Variants in DPP4 observed in about 807,000 individuals in gnomAD.
DPP4 encodes the protein dipeptidyl peptidase 4.
Under a neutral mutation model 122.4 loss-of-function variants are expected in DPP4, and 93 were observed. The ratio of observed to expected loss-of-function variants is 0.76; its 90% CI spans 0.64 to 0.90. The LOEUF (loss-of-function observed/expected upper bound fraction) is 0.90. Among genes scored for constraint, DPP4 ranks in the 40% least tolerant of loss-of-function variants. The pLI, the probability that DPP4 is intolerant of heterozygous loss-of-function variation, is 0.00. For synonymous variants in DPP4, 321 were observed against 302.9 expected (o/e 1.06, Z -0.62); for missense variants, 914 against 907.3 (o/e 1.01, Z -0.09).
At chr2:162,012,032 C>T in intron 19 of DPP4, 45 bp from the exon 20 acceptor site, 2 of 1,575,138 alleles carry the variant, frequency 1.3e-6, no homozygotes, top group Non-Finnish European at 1.7e-6. Flanking sequence ...TTTCTGGAAT[C>T]AAATGAGGAA....
chr2:162,039,318 C>T, intron 5 of DPP4, 134 bp from the exon 6 acceptor site: 1 of 810,126 alleles, frequency 1.2e-6, no homozygotes, highest in South Asian at 1.8e-5. Flanking sequence ...TTATAATTTC[C>T]TCCGAGAATT....
At position 162,011,974 on chromosome 2, in the gene DPP4, A is replaced by G. The variant is rs1243657103; in HGVS notation, c.1651T>C (p.Cys551Arg). ...PLLLDVYAGP[C>R]SQKADTVFRL... ...AAGACAGTGTCTGCTTTTTGACTAC[A>G]TGGGCCTGCATACCTATGAAAAATA... Residue 551 changes from cysteine (C) to arginine (R), a missense_variant, in exon 20 of 26, where the codon TGT becomes CGT. Physicochemically the swap from Cys to Arg is radical, Grantham distance 180 (BLOSUM62 -3). Transcript: ENST00000360534. The G allele has an allele frequency of 4.3e-6, 7 of 1,612,872 alleles. No individual in the cohort carries two copies. Among genetic ancestry groups the G allele is most frequent in the East Asian group, 2.2e-5 (1 of 44,872 alleles).
chr2:162,012,981 T>C (rs1034707400), intron 19 of DPP4, among the ~76,000 whole-genome samples: 1 of 152,120 alleles, frequency 6.6e-6, no homozygotes, highest in Non-Finnish European at 1.5e-5. Flanking sequence ...AACAGGAAAA[T>C]GCATTCATGC....
chr2:162,047,085 T>C (rs1684209097), intron 3 of DPP4, 79 bp from the exon 4 acceptor site: 4 of 767,956 alleles, frequency 5.2e-6, no homozygotes, highest in Non-Finnish European at 8.7e-6. Context: ...CAGAATACAG[T>C]TTAAGCTCAC....
intron 19 of DPP4, among the ~76,000 whole-genome samples, chr2:162,012,693 A>G (rs1014445): frequency 0.72 from 108,925 of 151,744 alleles, 40,738 homozygotes; most frequent in East Asian, 0.99. Context: ...TCTGTAAAGC[A>G]CTCTCATTTC....
chr2:162,002,606 G>A (rs1042724832), intron 23 of DPP4, among the ~76,000 whole-genome samples: 1 of 151,808 alleles, frequency 6.6e-6, no homozygotes, highest in Non-Finnish European at 1.5e-5. Flanking sequence ...ATCCTCTAAG[G>A]AATTGTCTCC....
Position 162,045,587 on chromosome 2 carries a change from T to A in DPP4, c.311A>T (p.Asp104Val). 1 of 1,612,840 alleles carries A rather than the reference T, an allele frequency of 6.2e-7. No individual in the cohort carries two copies. The highest frequency in any genetic ancestry group is 8.5e-7 in the Non-Finnish European group (1 of 1,179,074). Residue 104 changes from aspartate (D) to valine (V), a missense_variant, in exon 5 of 26, where the codon GAT becomes GTT. Transcript: ENST00000360534. ...CTGCCCATCAGGAGATATTGAATAA[T>A]CATTGATAGAATGTCCAAACTCATC... ...TFDEFGHSIN[D>V]YSISPDGQFI...
chr2:162,049,101 A>C (rs183234929), intron 2 of DPP4, among the ~76,000 whole-genome samples: 1 of 152,156 alleles, frequency 6.6e-6, no homozygotes, highest in Non-Finnish European at 1.5e-5. Context: ...AAAATCAGCC[A>C]CCGTTATAAA....
At chr2:162,044,298 G>A (rs1684097886) in intron 5 of DPP4, among the ~76,000 whole-genome samples, 1 of 152,136 alleles carries the variant, frequency 6.6e-6, no homozygotes, top group African/African-American at 2.4e-5. Flanking sequence ...AGTGAGCCCA[G>A]CCCAGCAAAT....
chr2:162,045,753 C>T, intron 4 of DPP4, 141 bp from the exon 5 acceptor site: 1 of 613,354 alleles, frequency 1.6e-6, no homozygotes, highest in Non-Finnish European at 2.9e-6. Context: ...GGCATATTCA[C>T]CCACACAAAT....
At position 162,024,946 on chromosome 2, in the gene DPP4, G is replaced by A. The variant is rs1203319659; in HGVS notation, c.888-7C>T. ...ATCACACAAGTAGTGATCCCTGGAA[G>A]GAAGAAAGAAAGGAAGGACAGAGAG... On this transcript the variant is annotated splice_region_variant and splice_polypyrimidine_tract_variant and intron_variant, in intron 10 of 25. Coordinates refer to ENST00000360534, the MANE Select transcript of DPP4 (RefSeq NM_001935.4). 4 of 1,611,788 alleles carry A rather than the reference G, an allele frequency of 2.5e-6. No individual in the cohort carries two copies. Among genetic ancestry groups the A allele is most frequent in the African/African-American group, 2.7e-5 (2 of 74,884 alleles).
At chr2:162,067,703 G>T (rs999231371) in intron 2 of DPP4, among the ~76,000 whole-genome samples, 1 of 152,120 alleles carries the variant, frequency 6.6e-6, no homozygotes, top group Admixed American at 6.5e-5. Context: ...CATGGTTTCA[G>T]GTTACTCTCA....
chr2:162,021,017 A>T (rs1359334743), intron 12 of DPP4, among the ~76,000 whole-genome samples: 3 of 152,202 alleles, frequency 2.0e-5, no homozygotes, highest in African/African-American at 7.2e-5. Flanking sequence ...GCACCTGGAA[A>T]ATAGCATTAA....
chr2:162,000,405 G>A (rs556576772), intron 23 of DPP4, among the ~76,000 whole-genome samples: 6 of 152,174 alleles, frequency 3.9e-5, no homozygotes, highest in Admixed American at 2.0e-4. Context: ...CAGACAGGGG[G>A]CTCCACCTCA....
chr2:162,049,138 T>C (rs994079008), intron 2 of DPP4, among the ~76,000 whole-genome samples: 2 of 152,186 alleles, frequency 1.3e-5, no homozygotes, highest in Admixed American at 6.5e-5. Context: ...TTCTTACAAT[T>C]TGGGGGACTG....
chr2:162,048,621 C>G (rs1684272589), intron 2 of DPP4, among the ~76,000 whole-genome samples: 1 of 152,174 alleles, frequency 6.6e-6, no homozygotes, highest in Admixed American at 6.5e-5. Context: ...ACCTCTGCTC[C>G]TTTTTCTAAA....
At chr2:162,026,708 C>T (rs151039406) in intron 10 of DPP4, among the ~76,000 whole-genome samples, 48 of 152,332 alleles carry the variant, frequency 3.2e-4, no homozygotes, top group Admixed American at 7.2e-4. Flanking sequence ...AGAGACATCT[C>T]ATCCAGTCTG....
chr2:162,021,906 C>T (rs890631708), intron 12 of DPP4, among the ~76,000 whole-genome samples: 7 of 152,134 alleles, frequency 4.6e-5, no homozygotes, highest in African/African-American at 1.4e-4. Context: ...AGAAAAAGGA[C>T]GTGTGAATGC....
intron 2 of DPP4, among the ~76,000 whole-genome samples, chr2:162,052,399 T>G (rs1380566514): frequency 2.0e-5 from 3 of 151,440 alleles, no homozygotes; most frequent in African/African-American, 7.3e-5. Flanking sequence ...CCTCTACCTT[T>G]CACCATGTGG....
Sources: allele counts gnomAD v4.1 joint callset (sites outside exome capture counted in the v4.1 genomes callset), GRCh38; gene constraint gnomAD v4.1.1; transcripts MANE v1.5; gene names NCBI Gene and HGNC (gene_info 2026-07-23, HGNC 2026-07-21).